The following GFOD2 variants were observed in gnomAD, a reference collection of about 807,000 sequenced individuals.
GFOD2 encodes the protein glucose-fructose oxidoreductase domain-containing protein 2.
Under a neutral mutation model 24.6 loss-of-function variants are expected in GFOD2, and 9 were observed. That is an observed-to-expected ratio of 0.37 (90% confidence interval 0.22 to 0.64). The LOEUF (loss-of-function observed/expected upper bound fraction) is 0.64. GFOD2 is among the 30% of genes least tolerant of loss of function. The probability of loss-of-function intolerance (pLI) is 0.65; values close to 1 mark genes in which losing one functional copy is unlikely to be tolerated. For synonymous variants in GFOD2, 211 were observed against 224.8 expected, an observed-to-expected ratio of 0.94 and a Z score of 0.55; for missense variants, 476 against 532.5, an observed-to-expected ratio of 0.89 and a Z score of 1.04.
intron 1 of GFOD2, among the ~76,000 whole-genome samples, chr16:67,700,102 G>A (rs140569243): frequency 1.1e-3 from 168 of 151,716 alleles, no homozygotes; most frequent in Admixed American, 4.0e-3. Context: ...GGCCAGGCGC[G>A]GTGGCTCACG....
intron 1 of GFOD2, among the ~76,000 whole-genome samples, chr16:67,706,917 G>A (rs2053442655): frequency 6.6e-6 from 1 of 152,048 alleles, no homozygotes; most frequent in South Asian, 2.1e-4. Flanking sequence ...AAATTAGCCA[G>A]GTATGGTGGT....
At chr16:67,690,825 A>C (rs2053307202) in intron 1 of GFOD2, among the ~76,000 whole-genome samples, 1 of 152,162 alleles carries the variant, frequency 6.6e-6, no homozygotes, top group Non-Finnish European at 1.5e-5. Context: ...TTTACCAATA[A>C]TTTTATAAAC....
chr16:67,690,974 T>C (rs1047073789), intron 1 of GFOD2, among the ~76,000 whole-genome samples: 1 of 152,052 alleles, frequency 6.6e-6, no homozygotes, highest in Non-Finnish European at 1.5e-5. Flanking sequence ...CCGATTCTCA[T>C]GCCTTAGCCT....
chr16:67,698,913 A>G (rs2053378654), intron 1 of GFOD2, among the ~76,000 whole-genome samples: 2 of 152,242 alleles, frequency 1.3e-5, no homozygotes, highest in African/African-American at 4.8e-5. Context: ...TGGAGCAGAC[A>G]GTTATCACTA....
At chr16:67,699,885 G>C (rs1357962213) in intron 1 of GFOD2, among the ~76,000 whole-genome samples, 5 of 150,592 alleles carry the variant, frequency 3.3e-5, no homozygotes, top group Non-Finnish European at 7.4e-5. Flanking sequence ...TTCAAGACCA[G>C]CCTGGTGAAC....
Position 67,699,817 on chromosome 16 carries a change from A to G in GFOD2, c.-87-14015T>C, listed in dbSNP as rs374963061. On this transcript the variant is annotated intron_variant, in intron 1 of 2. Coordinates refer to ENST00000268797, the MANE Select transcript of GFOD2 (RefSeq NM_030819.4). Reference sequence around the variant, plus strand: ...AAAATGTTTAACTGAAAAAGAAAAAAAAAAAAGGCCAGGTGCAGTGGCTCA... The same window carrying G: ...AAAATGTTTAACTGAAAAAGAAAAAGAAAAAAGGCCAGGTGCAGTGGCTCA... Among the ~76,000 whole-genome samples, 8 of 152,110 alleles carry G rather than the reference A, an allele frequency of 5.3e-5. No homozygotes were observed. The East Asian group carries it at 1.2e-3, about 22-fold the overall frequency.
chr16:67,706,234 C>A (rs2053438473), intron 1 of GFOD2, among the ~76,000 whole-genome samples: 1 of 151,992 alleles, frequency 6.6e-6, no homozygotes, highest in African/African-American at 2.4e-5. Context: ...GCCTCGGCCT[C>A]CCAAAGTGCT....
intron 1 of GFOD2, among the ~76,000 whole-genome samples, chr16:67,686,903 T>C (rs780161222): frequency 6.6e-6 from 1 of 150,934 alleles, no homozygotes; most frequent in East Asian, 2.0e-4. Context: ...TCTCAGCACT[T>C]TGGGAGGCTG....
rs531513975 is a variant in GFOD2 at position 67,694,311 on chromosome 16, T to G, written c.-87-8509A>C. 7.5e-4 allele frequency among the ~76,000 whole-genome samples: 114 copies of G among 152,096 alleles called. 1 individual carries two copies. The highest frequency in any genetic ancestry group is 2.4e-4 in the Non-Finnish European group (16 of 68,010). On this transcript the variant is annotated intron_variant, in intron 1 of 2. Transcript: ENST00000268797. ...TGAGCCTGGCCTAATTTTTTATTTT[T>G]TGTAGAGATGGGGTCTCACTGTGTT...
In GFOD2 at chr16:67,685,488, T is replaced by C. The variant is rs570284448; in HGVS notation, c.228A>G (p.Pro76=). ...VDLVCISIPP[P]LTRQISVKAL... is the part of the protein sequence containing the mutation. ...CCTTCACGGATATCTGCCGGGTGAG[T>C]GGAGGGGGGATGCTGATGCACACCA... The change falls in exon 2 of 3, where the codon CCA becomes CCG. Residue 76 remains proline (P), a synonymous_variant. Transcript: ENST00000268797. The C allele has an allele frequency of 6.2e-7, 1 of 1,613,792 alleles. No homozygotes were observed. Among genetic ancestry groups the C allele is most frequent in the South Asian group, 1.1e-5 (1 of 91,064 alleles).
Position 67,685,700 on chromosome 16 carries a change from C to T in GFOD2, c.16G>A (p.Gly6Arg), listed in dbSNP as rs2053261629. 1 of 1,611,524 alleles carries T rather than the reference C, an allele frequency of 6.2e-7. No individual in the cohort carries two copies. The highest frequency in any genetic ancestry group is 8.5e-7 in the Non-Finnish European group (1 of 1,179,072). The change falls in exon 2 of 3, where the codon GGA (glycine) becomes AGA (arginine). Residue 6 changes from glycine to arginine, a missense_variant. Transcript: ENST00000268797. The part of the protein sequence containing the change: MKMLP[G>R]VGVFGTGSSA... ...CTGCCAGTCCCAAACACGCCCACTC[C>T]TGGCAGCATCTTCATCCCAGCCTCT...
At chr16:67,713,242 CATT>C (rs1036168190) in intron 1 of GFOD2, among the ~76,000 whole-genome samples, 2 of 152,026 alleles carry the variant, frequency 1.3e-5, no homozygotes, top group African/African-American at 4.8e-5. Flanking sequence ...ACAGGTATGT[CATT>C]GTGAAAGTGG....
chr16:67,687,640 C>CAAAAAAAAA (rs11302803), intron 1 of GFOD2, among the ~76,000 whole-genome samples: 3 of 49,044 alleles, frequency 6.1e-5, no homozygotes, highest in South Asian at 1.3e-3. Flanking sequence ...GACTCCGTCT[C>CAAAAAAAAA]AAAAAAAAAA....
chr16:67,685,304 C>T, intron 2 of GFOD2, 153 bp downstream of exon 2: 2 of 1,466,522 alleles, frequency 1.4e-6, no homozygotes, highest in East Asian at 2.5e-5. Flanking sequence ...CATGCCCTCC[C>T]CAAGCACTGC....
intron 2 of GFOD2, chr16:67,683,815 C>T (rs1418925126): frequency 1.8e-5 from 22 of 1,221,740 alleles, no homozygotes; most frequent in Non-Finnish European, 2.2e-5. Context: ...CTCATGGCAC[C>T]GGTTCCTCGA....
chr16:67,718,312 C>T (rs1201522032), intron 1 of GFOD2, among the ~76,000 whole-genome samples: 1 of 152,168 alleles, frequency 6.6e-6, no homozygotes, highest in African/African-American at 2.4e-5. Context: ...CACTTTCTTG[C>T]CCTCAGGATA....
chr16:67,697,070 C>T (rs2053364606), intron 1 of GFOD2, among the ~76,000 whole-genome samples: 1 of 152,212 alleles, frequency 6.6e-6, no homozygotes, highest in South Asian at 2.1e-4. Context: ...CATACATTTC[C>T]CATCACCACA....
chr16:67,683,217 G>A (rs1254912554), intron 2 of GFOD2: 1 of 1,039,894 alleles, frequency 9.6e-7, no homozygotes, highest in Non-Finnish European at 1.2e-6. Flanking sequence ...TGCTGCTGCT[G>A]GTGGAGCATA....
At chr16:67,682,283 G>T (rs945487974) in intron 2 of GFOD2, 14 of 884,110 alleles carry the variant, frequency 1.6e-5, no homozygotes, top group Non-Finnish European at 1.6e-5. Context: ...TGATCCGCCC[G>T]CCTCGGCCTC....
Sources: allele counts gnomAD v4.1 joint callset (sites outside exome capture counted in the v4.1 genomes callset), GRCh38; gene constraint gnomAD v4.1.1; transcripts MANE v1.5; gene names NCBI Gene and HGNC (gene_info 2026-07-23, HGNC 2026-07-21).